Variants in HTT observed in about 807,000 individuals in gnomAD.
HTT encodes the protein huntingtin, also known as huntington disease protein.
HTT carries 104 observed loss-of-function variants against 362.3 expected under a neutral mutation model. The observed-to-expected ratio is 0.29, with a 90% CI of 0.24 to 0.34. The LOEUF (loss-of-function observed/expected upper bound fraction) is 0.34, where lower values mean the gene tolerates loss of function less well. Among genes scored for constraint, HTT ranks in the 10% least tolerant of loss-of-function variants. The probability of loss-of-function intolerance (pLI) is 1.00; values close to 1 mark genes in which losing one functional copy is unlikely to be tolerated. For missense variants in HTT, 3,301 were observed against 3,928.6 expected (o/e 0.84, Z 4.27); for synonymous variants, 1,577 against 1,548.7 (o/e 1.02, Z -0.43).
chr4:3,082,033 G>A (rs1044757906), intron 1 of HTT, among the ~76,000 whole-genome samples: 3 of 150,674 alleles, frequency 2.0e-5, no homozygotes, highest in Non-Finnish European at 4.4e-5. Flanking sequence ...TGTTTCTTGT[G>A]TCTTCTTCCC....
At chr4:3,181,937 A>G (rs540173851) in intron 36 of HTT, among the ~76,000 whole-genome samples, 1 of 152,382 alleles carries the variant, frequency 6.6e-6, no homozygotes, top group South Asian at 2.1e-4. Context: ...GCCTCTGCAG[A>G]GAACACAGAA....
chr4:3,125,872 T>C (rs1433120078), intron 11 of HTT, among the ~76,000 whole-genome samples: 2 of 152,200 alleles, frequency 1.3e-5, no homozygotes, highest in African/African-American at 4.8e-5. Flanking sequence ...AAATTAGGTT[T>C]ATGGCTTGAG....
chr4:3,130,176 G>T (rs1201132679), intron 13 of HTT, 129 bp downstream of exon 13: 2 of 1,099,172 alleles, frequency 1.8e-6, no homozygotes, highest in South Asian at 1.6e-5. Context: ...TGATGAAAAT[G>T]ACCAATTGAG....
chr4:3,107,304 C>G lies in HTT; in HGVS notation c.628C>G (p.Leu210Val). 6.2e-7 allele frequency: 1 copy of G among 1,614,240 alleles called. No individual in the cohort carries two copies. The highest frequency in any genetic ancestry group is 8.5e-7 in the Non-Finnish European group (1 of 1,180,026). The change falls in exon 6 of 67, where the codon CTG (leucine) becomes GTG (valine). Residue 210 changes from leucine to valine, a missense_variant. Leu to Val is a conservative substitution (Grantham distance 32, BLOSUM62 1). Around this residue, in one of 4 missense-constraint regions of HTT, gnomAD observed 2,316 missense variants for 2,658.5 expected, o/e 0.87. Transcript: ENST00000355072. The stretch of plus-strand genomic sequence containing the variant: ...ACACAGGCCTTACCTGGTGAACCTT[C>G]TGCCGTGCCTGACTCGAACAAGCAA... ...QKCRPYLVNL[L>V]PCLTRTSKRP...
intron 10 of HTT, 68 bp downstream of exon 10, chr4:3,123,004 T>C: frequency 3.2e-6 from 4 of 1,254,374 alleles, no homozygotes; most frequent in Non-Finnish European, 4.6e-6. Context: ...TGTAATGTAA[T>C]GTATCTTGTA....
intron 40 of HTT, among the ~76,000 whole-genome samples, chr4:3,191,810 T>A (rs1436259829): frequency 6.6e-6 from 1 of 152,070 alleles, no homozygotes; most frequent in Non-Finnish European, 1.5e-5. Flanking sequence ...TACGGTAGAG[T>A]TAATGGGTGA....
At chr4:3,145,945 T>G (rs1364553817) in intron 24 of HTT, among the ~76,000 whole-genome samples, 1 of 152,206 alleles carries the variant, frequency 6.6e-6, no homozygotes, top group African/African-American at 2.4e-5. Flanking sequence ...AGACTTCACT[T>G]CTGGGCAACT....
rs955747214 is a variant in HTT, at chr4:3,242,377, G to A, written c.*2318G>A. The A allele has an allele frequency of 2.6e-5, 4 of 152,062 alleles. No homozygotes were observed. The highest frequency in any genetic ancestry group is 4.8e-5 in the African/African-American group (2 of 41,370). 9.4% of individuals were successfully genotyped at this position (152,062 alleles called of 1,614,324 possible). On this transcript the variant is annotated 3_prime_UTR_variant, in exon 67 of 67. Transcript: ENST00000355072. Reference sequence around the variant, plus strand: ...CATTAGTAAAAATGACTTCACCCACGCATATACATAAAGTATCCATGCATG... The same window carrying A: ...CATTAGTAAAAATGACTTCACCCACACATATACATAAAGTATCCATGCATG...
intron 26 of HTT, 46 bp from the exon 27 acceptor site, chr4:3,154,247 A>G: frequency 7.0e-7 from 1 of 1,429,012 alleles, no homozygotes; most frequent in Non-Finnish European, 9.5e-7. Flanking sequence ...TACTTCCATC[A>G]CATGTTTTTG....
In HTT at chr4:3,238,969, T is replaced by G. The variant is rs1452503346; in HGVS notation, c.9206T>G (p.Val3069Gly). 2.5e-6 allele frequency: 4 copies of G among 1,605,530 alleles called. No homozygotes were observed. Among genetic ancestry groups the G allele is most frequent in the Non-Finnish European group, 3.4e-6 (4 of 1,178,218 alleles). Reference sequence around the variant, plus strand: ...GTCAGCGCGTCCACCAGCCCGTGGGTCGCGGCGATGTATCCTCTCTGGGTC... The same window carrying G: ...GTCAGCGCGTCCACCAGCCCGTGGGGCGCGGCGATGTATCCTCTCTGGGTC... Reference protein sequence around the residue: ...FFVSASTSPWVAAILPHVISR... With the variant: ...FFVSASTSPWGAAILPHVISR... Residue 3069 changes from valine (V) to glycine (G), a missense_variant, in exon 66 of 67, where the codon GTC (valine) becomes GGC (glycine). By Grantham distance (109) the Val-to-Gly change is moderately radical. Around this residue, in one of 4 missense-constraint regions of HTT, gnomAD observed 753 missense variants for 1,021.3 expected, o/e 0.74. Coordinates refer to ENST00000355072, the MANE Select transcript of HTT (RefSeq NM_001388492.1).
intron 61 of HTT, among the ~76,000 whole-genome samples, 189 bp downstream of exon 61, chr4:3,233,542 G>A (rs975846424): frequency 6.6e-6 from 1 of 152,178 alleles, no homozygotes; most frequent in Non-Finnish European, 1.5e-5. Flanking sequence ...AGGCTTCCTC[G>A]GGCACCTCCA....
chr4:3,175,065 G>A lies in HTT; in HGVS notation c.4365G>A (p.Leu1455=), dbSNP rs752750776. Residue 1455 remains leucine, a synonymous_variant, in exon 33 of 67, where the codon CTG becomes CTA. Transcript: ENST00000355072. ...AGGTTTTAGATTTGCTGGCGCAGCT[G>A]GTTCAGTTACGGGTTAATTACTGTC... ...QKQVLDLLAQ[L]VQLRVNYCLL... The A allele has an allele frequency of 1.2e-6, 2 of 1,614,106 alleles. No individual in the cohort carries two copies. The highest frequency in any genetic ancestry group is 1.3e-5 in the African/African-American group (1 of 75,022).
At chr4:3,229,315 CA>C (rs1721101469) in intron 59 of HTT, among the ~76,000 whole-genome samples, 1 of 146,256 alleles carries the variant, frequency 6.8e-6, no homozygotes, top group African/African-American at 2.5e-5. Context: ...CACACACACA[CA>C]CACACCACAC....
chr4:3,199,691 G>A lies in HTT; in HGVS notation c.5369-41G>A, dbSNP rs149656687. The A allele has an allele frequency of 2.6e-5, 41 of 1,580,304 alleles. No individual in the cohort carries two copies. The East Asian group carries it at 5.4e-4, about 21-fold the overall frequency. On this transcript the variant is annotated intron_variant, in intron 40 of 66. Coordinates refer to ENST00000355072, the MANE Select transcript of HTT (RefSeq NM_001388492.1). ...TCGCGTAGCCATGTGGCACTGGACC[G>A]AGATGAAAGCAAAGACATTTCTCCT...
Position 3,225,725 on chromosome 4 carries a change from G to A in HTT, c.7830G>A (p.Met2610Ile). Reference sequence around the variant, plus strand: ...ACCCCGAGCGGGAGCTGGGGAGCATGAGCTACAAACTCGGCCAGGTCAGTC... The same window carrying A: ...ACCCCGAGCGGGAGCTGGGGAGCATAAGCTACAAACTCGGCCAGGTCAGTC... ...QINPERELGS[M>I]SYKLGQVSIH... The change falls in exon 57 of 67, where the codon ATG becomes ATA. Residue 2610 changes from methionine to isoleucine, a missense_variant. Physicochemically the swap from Met to Ile is conservative, Grantham distance 10. Coordinates refer to ENST00000355072, the MANE Select transcript of HTT (RefSeq NM_001388492.1). 5 of 1,614,094 alleles carry A rather than the reference G, an allele frequency of 3.1e-6. No individual in the cohort carries two copies. The highest frequency in any genetic ancestry group is 4.2e-6 in the Non-Finnish European group (5 of 1,179,998).
At chr4:3,158,053 G>C (rs1166966750) in intron 28 of HTT, among the ~76,000 whole-genome samples, 1 of 131,698 alleles carries the variant, frequency 7.6e-6, no homozygotes, top group Non-Finnish European at 1.6e-5. Context: ...GTGCAGTGGT[G>C]CAACCATGCC....
At chr4:3,186,461 T>G (rs1718761398) in intron 37 of HTT, 136 bp from the exon 38 acceptor site, 1 of 950,334 alleles carries the variant, frequency 1.1e-6, no homozygotes, top group Non-Finnish European at 1.6e-6. Context: ...ACCACTGAAC[T>G]TAAAATGCTT....
intron 40 of HTT, among the ~76,000 whole-genome samples, chr4:3,198,716 A>G (rs768630824): frequency 1.3e-5 from 2 of 152,224 alleles, no homozygotes; most frequent in Non-Finnish European, 2.9e-5. Flanking sequence ...AGAGGATAGA[A>G]TGAAGTCATG....
At chr4:3,115,966 G>A (rs548421300) in intron 7 of HTT, 119 bp from the exon 8 acceptor site, 17 of 929,978 alleles carry the variant, frequency 1.8e-5, no homozygotes, top group African/African-American at 4.9e-5. Flanking sequence ...TGGCGTACTC[G>A]TTCATGATCA....
Sources: gnomAD v4.1 joint callset for allele counts (sites outside exome capture counted in the v4.1 genomes callset) on GRCh38, gnomAD v4.1.1 for gene constraint, gnomAD v4.1.1 regional missense constraint, MANE v1.5 for transcripts, NCBI Gene and HGNC (gene_info 2026-07-23, HGNC 2026-07-21) for gene names.